SLC14A2: variants seen among roughly 807,000 people sequenced by gnomAD.
SLC14A2 encodes the protein urea transporter 2.
A neutral mutation model predicts 104.6 loss-of-function variants in SLC14A2; 91 were observed. The observed-to-expected ratio is 0.87, with a 90% confidence interval of 0.73 to 1.04. The LOEUF (loss-of-function observed/expected upper bound fraction) is 1.04, where lower values mean the gene tolerates loss of function less well. Ranked by LOEUF, SLC14A2 falls within the 50% of genes least tolerant of loss-of-function variation. The pLI is 0.00. For synonymous variants in SLC14A2, 476 were observed against 466.4 expected (o/e 1.02, Z -0.27); for missense variants, 1,189 against 1,156.0 (o/e 1.03, Z -0.41).
intron 1 of SLC14A2, among the ~76,000 whole-genome samples, chr18:45,414,757 A>AAAAAATATATATATATATAT (rs1360051908): frequency 1.6e-4 from 12 of 76,102 alleles, no homozygotes; most frequent in African/African-American, 6.9e-4. Context: ...AAAAAAAAAA[A>AAAAAATATATATATATATAT]ATATATATAT....
chr18:45,536,691 A>G (rs1322791439), intron 2 of SLC14A2, among the ~76,000 whole-genome samples: 1 of 152,120 alleles, frequency 6.6e-6, no homozygotes, highest in Non-Finnish European at 1.5e-5. Context: ...ACTTAAACAT[A>G]TCTTTTGGGG....
intron 1 of SLC14A2, among the ~76,000 whole-genome samples, chr18:45,340,329 G>C (rs571543059): frequency 6.6e-6 from 1 of 152,186 alleles, no homozygotes; most frequent in African/African-American, 2.4e-5. Flanking sequence ...CTGATGGAGG[G>C]CTTTTCTCTA....
At chr18:45,320,061 C>T (rs1487146649) in intron 1 of SLC14A2, among the ~76,000 whole-genome samples, 1 of 152,184 alleles carries the variant, frequency 6.6e-6, no homozygotes, top group African/African-American at 2.4e-5. Flanking sequence ...CCTGTGAGAC[C>T]TCAGCAGATT....
At chr18:45,307,920 A>G (rs58004513) in intron 1 of SLC14A2, among the ~76,000 whole-genome samples, 24,558 of 152,202 alleles carry the variant, frequency 0.16, 2,170 homozygotes, top group African/African-American at 0.21. Flanking sequence ...CATGGTGCCG[A>G]CATCTGCTTC....
At chr18:45,396,889 G>A (rs889695250) in intron 1 of SLC14A2, among the ~76,000 whole-genome samples, 4 of 151,750 alleles carry the variant, frequency 2.6e-5, no homozygotes, top group African/African-American at 9.7e-5. Flanking sequence ...TCATCATTTA[G>A]CCCCCACTTA....
At chr18:45,410,880 T>C (rs1393220482) in intron 1 of SLC14A2, among the ~76,000 whole-genome samples, 1 of 152,220 alleles carries the variant, frequency 6.6e-6, no homozygotes, top group East Asian at 1.9e-4. Flanking sequence ...GATGACGTGA[T>C]AGCATTAGAT....
intron 1 of SLC14A2, among the ~76,000 whole-genome samples, chr18:45,320,328 G>A (rs1329367051): frequency 6.6e-6 from 1 of 152,034 alleles, no homozygotes; most frequent in African/African-American, 2.4e-5. Flanking sequence ...TGACCCCTAG[G>A]CGAGATCTCT....
intron 1 of SLC14A2, among the ~76,000 whole-genome samples, chr18:45,398,759 G>T (rs2086063946): frequency 6.6e-6 from 1 of 152,104 alleles, no homozygotes; most frequent in African/African-American, 2.4e-5. Flanking sequence ...AACCAACTTA[G>T]GGCACTTAGA....
chr18:45,387,181 C>T (rs1267764719), intron 1 of SLC14A2, among the ~76,000 whole-genome samples: 4 of 152,150 alleles, frequency 2.6e-5, no homozygotes, highest in African/African-American at 9.7e-5. Context: ...ATGTTACAAC[C>T]ATGTATGGCC....
At chr18:45,380,470 T>C (rs1435809197) in intron 1 of SLC14A2, among the ~76,000 whole-genome samples, 1 of 152,164 alleles carries the variant, frequency 6.6e-6, no homozygotes. Context: ...AAGGTTTACT[T>C]AAGATTGAAT....
At chr18:45,216,958 C>G (rs1488768119) in intron 1 of SLC14A2, among the ~76,000 whole-genome samples, 2 of 152,114 alleles carry the variant, frequency 1.3e-5, no homozygotes, top group East Asian at 1.9e-4. Flanking sequence ...TCTCCACACT[C>G]TAAGTTAGGG....
At chr18:45,431,737 G>A (rs1049450443) in intron 1 of SLC14A2, among the ~76,000 whole-genome samples, 13 of 152,296 alleles carry the variant, frequency 8.5e-5, no homozygotes, top group East Asian at 3.9e-4. Flanking sequence ...CAGTGAATAC[G>A]GTCAGAGCTT....
chr18:45,516,020 T>C (rs1307736042), intron 2 of SLC14A2, among the ~76,000 whole-genome samples: 1 of 152,258 alleles, frequency 6.6e-6, no homozygotes, highest in African/African-American at 2.4e-5. Flanking sequence ...GAGTTAATCA[T>C]TAATATTTGT....
chr18:45,310,832 G>T (rs954150518), intron 1 of SLC14A2, among the ~76,000 whole-genome samples: 1 of 152,188 alleles, frequency 6.6e-6, no homozygotes, highest in African/African-American at 2.4e-5. Context: ...GGATGGTGGG[G>T]TACAGCAGGC....
chr18:45,298,151 A>AC (rs2084934549), intron 1 of SLC14A2, among the ~76,000 whole-genome samples: 1 of 152,136 alleles, frequency 6.6e-6, no homozygotes, highest in South Asian at 2.1e-4. Flanking sequence ...TTTTTAAAAA[A>AC]ATATTCCTAA....
chr18:45,557,059 G>C, intron 2 of SLC14A2, among the ~76,000 whole-genome samples: 1 of 152,238 alleles, frequency 6.6e-6, no homozygotes. Context: ...GTTCAAGAAA[G>C]AGTAGCCAAT....
At chr18:45,388,608 T>G (rs1259111079) in intron 1 of SLC14A2, among the ~76,000 whole-genome samples, 1 of 152,168 alleles carries the variant, frequency 6.6e-6, no homozygotes, top group Non-Finnish European at 1.5e-5. Context: ...ATTGAGATGC[T>G]GAATCTCTAA....
chr18:45,492,933 C>A (rs752302559), intron 2 of SLC14A2: 1 of 152,198 alleles, frequency 6.6e-6, no homozygotes, highest in Non-Finnish European at 1.5e-5. Flanking sequence ...CTTGTCTACT[C>A]GCTCTCTTTC....
At chr18:45,212,868 G>A (rs1162051087), upstream of SLC14A2, 4 of 152,184 alleles carry the variant, frequency 2.6e-5, no homozygotes, top group African/African-American at 9.7e-5. Context: ...TCCCTCTGTT[G>A]TGCCATGGTT....
Sources: gnomAD v4.1 joint callset for allele counts (sites outside exome capture counted in the v4.1 genomes callset) on GRCh38, gnomAD v4.1.1 for gene constraint, MANE v1.5 for transcripts, NCBI Gene and HGNC (gene_info 2026-07-23, HGNC 2026-07-21) for gene names.